The following DLGAP2 variants were observed in gnomAD, a reference collection of about 807,000 sequenced individuals.
The protein encoded by DLGAP2 is DLG associated protein 2.
DLGAP2 carries 26 observed loss-of-function variants against 100.3 expected under a neutral mutation model. The observed-to-expected ratio is 0.26, with a 90% CI of 0.19 to 0.36. DLGAP2 has a LOEUF of 0.36. DLGAP2 is among the 10% of genes least tolerant of loss of function. The pLI is 1.00. For synonymous variants in DLGAP2, 886 were observed against 630.1 expected (o/e 1.41, Z -6.08); for missense variants, 1,858 against 1,453.2 (o/e 1.28, Z -4.53).
intron 3 of DLGAP2, chr8:1,368,638 A>C (rs927301487): frequency 6.6e-6 from 1 of 152,190 alleles, no homozygotes; most frequent in Admixed American, 6.5e-5. Flanking sequence ...GATGTTTATG[A>C]GTCTTTTTGT....
At position 737,728 on chromosome 8, in the gene DLGAP2, C is replaced by T. The variant is rs925928909; in HGVS notation, c.-80C>T. The T allele has an allele frequency of 2.4e-5, 9 of 374,518 alleles. No individual in the cohort carries two copies. Among genetic ancestry groups the T allele is most frequent in the Non-Finnish European group, 4.3e-5 (9 of 210,286 alleles). The allele number at this position is 374,518 out of a possible 1,614,324, so 23.2% of individuals were successfully genotyped here. On this transcript the variant is annotated 5_prime_UTR_variant, in exon 1 of 15. Coordinates refer to ENST00000637795, the MANE Select transcript of DLGAP2 (RefSeq NM_001346810.2). ...GGACGGACGTACTGACCCCAACCCGCGAGCCCCGGGAGCCGTCGGTCTGAG... is the reference window on the plus strand; with the variant it reads ...GGACGGACGTACTGACCCCAACCCGTGAGCCCCGGGAGCCGTCGGTCTGAG...
Position 1,685,057 on chromosome 8 carries a change from G to C in DLGAP2, c.2704+6428G>C, listed in dbSNP as rs929199576. ...TAAGTTCTCCTTTTACAGCCAGAAT[G>C]ACCACAAGTCCTATTAACACAAGAG... On this transcript the variant is annotated intron_variant, in intron 12 of 14. Coordinates refer to ENST00000637795, the MANE Select transcript of DLGAP2 (RefSeq NM_001346810.2). Among the ~76,000 whole-genome samples the C allele has an allele frequency of 7.2e-5, 11 of 152,118 alleles. 1 individual carries two copies. Among genetic ancestry groups the C allele is most frequent in the Non-Finnish European group, 1.5e-5 (1 of 68,040 alleles).
intron 2 of DLGAP2, among the ~76,000 whole-genome samples, chr8:1,009,759 C>T (rs1801223385): frequency 6.6e-6 from 1 of 152,216 alleles, no homozygotes; most frequent in Non-Finnish European, 1.5e-5. Flanking sequence ...CATTTGTCTC[C>T]ACAGCCTAGA....
chr8:1,426,889 T>C (rs937324899), intron 3 of DLGAP2, among the ~76,000 whole-genome samples: 20 of 143,262 alleles, frequency 1.4e-4, no homozygotes, highest in Non-Finnish European at 2.7e-4. Flanking sequence ...CCAATGCATA[T>C]GAAAGGGGAA....
intron 6 of DLGAP2, among the ~76,000 whole-genome samples, chr8:1,579,286 A>G (rs1242003274): frequency 2.0e-5 from 3 of 152,184 alleles, no homozygotes; most frequent in South Asian, 2.1e-4. Flanking sequence ...GATGGATTAA[A>G]TATGTAAGCA....
intron 4 of DLGAP2, among the ~76,000 whole-genome samples, chr8:1,513,269 C>T (rs1427969660): frequency 3.5e-5 from 5 of 144,064 alleles, no homozygotes; most frequent in Admixed American, 6.9e-5. Context: ...CAGGCCAGCT[C>T]CAGGGAGGCT....
chr8:847,193 T>C (rs1797086733), intron 1 of DLGAP2, among the ~76,000 whole-genome samples: 1 of 152,240 alleles, frequency 6.6e-6, no homozygotes, highest in Non-Finnish European at 1.5e-5. Flanking sequence ...CTGCTGCTTC[T>C]TGACACAATT....
At chr8:1,203,588 A>G (rs1339580951) in intron 2 of DLGAP2, among the ~76,000 whole-genome samples, 2 of 152,172 alleles carry the variant, frequency 1.3e-5, no homozygotes, top group African/African-American at 4.8e-5. Flanking sequence ...TCTTCCCTTT[A>G]AGTTTCAGCT....
At chr8:1,390,824 C>T (rs545076939) in intron 3 of DLGAP2, among the ~76,000 whole-genome samples, 79 of 152,320 alleles carry the variant, frequency 5.2e-4, no homozygotes, top group African/African-American at 1.9e-3. Context: ...GAGCCCATAG[C>T]GAATGCAAAC....
intron 3 of DLGAP2, among the ~76,000 whole-genome samples, chr8:1,308,105 G>T (rs1426801647): frequency 6.6e-6 from 1 of 152,218 alleles, no homozygotes. Context: ...AAAGGCCTAG[G>T]AAGACCTGCA....
chr8:1,136,487 G>T (rs1469710304), intron 2 of DLGAP2, among the ~76,000 whole-genome samples: 3 of 152,282 alleles, frequency 2.0e-5, no homozygotes, highest in Admixed American at 2.0e-4. Flanking sequence ...CGTCAGGCTG[G>T]CTCTGCATAA....
At chr8:1,095,189 C>G (rs6559215) in intron 2 of DLGAP2, among the ~76,000 whole-genome samples, 3,007 of 152,280 alleles carry the variant, frequency 0.02, 113 homozygotes, top group African/African-American at 0.068. Flanking sequence ...CGTGGTCACC[C>G]TTTACTTGTC....
intron 3 of DLGAP2, among the ~76,000 whole-genome samples, chr8:1,376,361 T>C (rs1488805500): frequency 2.0e-5 from 3 of 152,228 alleles, no homozygotes; most frequent in Non-Finnish European, 1.5e-5. Context: ...CTAGAGAGCA[T>C]CGGCCACGGG....
chr8:1,682,787 T>C (rs1322776623), intron 12 of DLGAP2, among the ~76,000 whole-genome samples: 1 of 151,718 alleles, frequency 6.6e-6, no homozygotes, highest in African/African-American at 2.4e-5. Flanking sequence ...ATATCTAGTA[T>C]TTCAGTGTCA....
intron 3 of DLGAP2, among the ~76,000 whole-genome samples, chr8:1,359,775 C>T (rs1417584629): frequency 6.6e-6 from 1 of 152,242 alleles, no homozygotes; most frequent in Non-Finnish European, 1.5e-5. Flanking sequence ...TTAGTATTCC[C>T]TTGTTGTGAT....
chr8:1,349,283 C>G (rs554617041), intron 3 of DLGAP2, among the ~76,000 whole-genome samples: 1 of 151,394 alleles, frequency 6.6e-6, no homozygotes, highest in Non-Finnish European at 1.5e-5. Flanking sequence ...AGCCTCCCGC[C>G]GACATCCACA....
At chr8:1,298,289 A>AC (rs1800239463) in intron 3 of DLGAP2, among the ~76,000 whole-genome samples, 1 of 151,918 alleles carries the variant, frequency 6.6e-6, no homozygotes, top group Non-Finnish European at 1.5e-5. Context: ...AGTTATCTAA[A>AC]CCCCCCATAC....
intron 8 of DLGAP2, among the ~76,000 whole-genome samples, chr8:1,654,249 C>G (rs1312844381): frequency 1.3e-5 from 2 of 152,218 alleles, no homozygotes; most frequent in African/African-American, 4.8e-5. Context: ...CTGTACAGTT[C>G]ACAGCATCTC....
intron 8 of DLGAP2, among the ~76,000 whole-genome samples, chr8:1,652,967 C>G (rs1249427019): frequency 3.3e-5 from 5 of 152,184 alleles, no homozygotes; most frequent in African/African-American, 1.2e-4. Flanking sequence ...TTGCCTTGGG[C>G]CCATGAGAGT....
Sources: gnomAD v4.1 joint callset for allele counts (sites outside exome capture counted in the v4.1 genomes callset) on GRCh38, gnomAD v4.1.1 for gene constraint, MANE v1.5 for transcripts, NCBI Gene and HGNC (gene_info 2026-07-23, HGNC 2026-07-21) for gene names.